The following GLP2R variants were observed in gnomAD, a reference collection of about 807,000 sequenced individuals.
The protein encoded by GLP2R is glucagon-like peptide 2 receptor.
A neutral mutation model predicts 68.2 loss-of-function variants in GLP2R; 59 were observed. The observed-to-expected ratio is 0.87, with a 90% CI of 0.70 to 1.07. The LOEUF is 1.07. Among genes scored for constraint, GLP2R ranks in the 50% least tolerant of loss-of-function variants. The pLI is 0.00. For synonymous variants in GLP2R, 270 were observed against 265.4 expected (o/e 1.02, Z -0.17); for missense variants, 548 against 677.4 (o/e 0.81, Z 2.12).
At chr17:9,849,762 G>A (rs750470569) in intron 4 of GLP2R, among the ~76,000 whole-genome samples, 27 of 151,656 alleles carry the variant, frequency 1.8e-4, no homozygotes, top group Non-Finnish European at 3.1e-4. Flanking sequence ...ACAGGCGCCC[G>A]CCACCACGCT....
At position 9,836,471 on chromosome 17, in the gene GLP2R, T is replaced by C. The variant is rs2066732533; in HGVS notation, c.378T>C (p.Ser126=). The change falls in exon 3 of 13, where the codon AGT becomes AGC. Residue 126 remains serine (S), a synonymous_variant. Coordinates refer to ENST00000262441, the MANE Select transcript of GLP2R (RefSeq NM_004246.3). ...GCCCTTCATACTTACCTTGGTGGAG[T>C]GAAGGTAATAAGTCTTATTTTTACC... ...VPCPSYLPWW[S]EESSGRAYRH... is the part of the protein sequence containing the mutation. 1 of 1,579,580 alleles carries C rather than the reference T, an allele frequency of 6.3e-7. No homozygotes were observed. Among genetic ancestry groups the C allele is most frequent in the Non-Finnish European group, 8.7e-7 (1 of 1,148,442 alleles).
At chr17:9,836,308 C>T (rs2066730514) in intron 2 of GLP2R, 63 bp from the exon 3 acceptor site, 1 of 1,113,644 alleles carries the variant, frequency 9.0e-7, no homozygotes, top group African/African-American at 1.5e-5. Context: ...GTGCCTCTGC[C>T]TCCATCAGTG....
In GLP2R at chr17:9,870,876, T is replaced by C. The variant is rs1567733532; in HGVS notation, c.1145+41T>C. The stretch of plus-strand genomic sequence containing the variant: ...TTGGTCCCCAGCAGTCCAAGGTTAT[T>C]GTAAGTACTCTGGCTGTTCTGCCCG... On this transcript the variant is annotated intron_variant, in intron 10 of 12. Transcript: ENST00000262441. The C allele has an allele frequency of 3.3e-6, 3 of 908,986 alleles. No individual in the cohort carries two copies. In the South Asian group the frequency reaches 4.0e-5, roughly 12 times the overall value. 56.3% of individuals were successfully genotyped at this position (908,986 alleles called of 1,614,324 possible). A position where few individuals can be genotyped will look rare whatever the true frequency, so the allele number is the denominator to read the frequency against.
intron 2 of GLP2R, among the ~76,000 whole-genome samples, chr17:9,835,109 A>T (rs1295547086): frequency 1.4e-5 from 2 of 143,428 alleles, no homozygotes; most frequent in Admixed American, 7.3e-5. Context: ...GCTCACTACA[A>T]CCTCCAACTC....
rs1567742802 is a variant in GLP2R at position 9,889,679 on chromosome 17, G to A, written c.1636G>A (p.Glu546Lys). ...TGTCACCATGGCCAACACCATGGAG[G>A]AGATTCTGGAAGAGAGTGAGATCTA... ...GDVTMANTME[E>K]ILEESEI Residue 546 changes from glutamate to lysine, a missense_variant, in exon 13 of 13, where the codon GAG (glutamate) becomes AAG (lysine). Glu to Lys is a moderately conservative substitution (Grantham distance 56, BLOSUM62 1). Transcript: ENST00000262441. The A allele has an allele frequency of 2.5e-6, 4 of 1,586,146 alleles. No homozygotes were observed. The highest frequency in any genetic ancestry group is 2.3e-5 in the East Asian group (1 of 43,704).
At chr17:9,864,370 C>G (rs1011186731) in intron 9 of GLP2R, among the ~76,000 whole-genome samples, 1 of 152,178 alleles carries the variant, frequency 6.6e-6, no homozygotes, top group Non-Finnish European at 1.5e-5. Context: ...TCTTTGTCTA[C>G]TCCTGGAGTT....
rs751327342 is a variant in GLP2R, at chr17:9,882,379, G to T, written c.1284+1863G>T. Among the ~76,000 whole-genome samples the T allele has an allele frequency of 3.3e-5, 5 of 152,338 alleles. No individual in the cohort carries two copies. The South Asian group carries it at 8.3e-4, about 25-fold the overall frequency. Reference sequence around the variant, plus strand: ...TGATGGGCTAGCCAGAAATTTTACGGGAAGATTTGGGGAATGAGACAGCCA... The same window carrying T: ...TGATGGGCTAGCCAGAAATTTTACGTGAAGATTTGGGGAATGAGACAGCCA... On this transcript the variant is annotated intron_variant, in intron 11 of 12. Transcript: ENST00000262441.
intron 10 of GLP2R, 88 bp downstream of exon 10, chr17:9,870,923 T>A: frequency 1.3e-6 from 1 of 741,510 alleles, no homozygotes; most frequent in Admixed American, 1.9e-5. Context: ...AGGACATTTA[T>A]CTCCTAAGGC....
At position 9,836,823 on chromosome 17, in the gene GLP2R, GTTA is replaced by G. The variant is rs58592727; in HGVS notation, c.382+370_382+372del. Among the ~76,000 whole-genome samples the G allele has an allele frequency of 7.6e-4, 114 of 150,354 alleles. 1 individual carries two copies. In the East Asian group the frequency reaches 7.8e-3, roughly 10 times the overall value. ...TAGTTATTTCAAAATGGACGATCAAGTTATTATTATTATTATTATTATTACTAT... is the reference window on the plus strand; with the variant it reads ...TAGTTATTTCAAAATGGACGATCAAGTTATTATTATTATTATTATTACTAT... On this transcript the variant is annotated intron_variant, in intron 3 of 12. Transcript: ENST00000262441.
rs2066990560 is a variant in GLP2R at position 9,861,880 on chromosome 17, C to T, written c.987-141C>T. 4 of 684,222 alleles carry T rather than the reference C, an allele frequency of 5.8e-6. No individual in the cohort carries two copies. The Middle Eastern group carries it at 7.5e-4, about 128-fold the overall frequency. 42.4% of individuals were successfully genotyped at this position (684,222 alleles called of 1,614,324 possible). ...AAGGGATTTGGGTTCTCTCTTCTGC[C>T]TCTCCCACCCCTCAGGGGACTGATT... is the stretch of plus-strand genomic sequence containing the variant. On this transcript the variant is annotated intron_variant, in intron 8 of 12. Transcript: ENST00000262441.
At chr17:9,834,388 T>C (rs558246454) in intron 2 of GLP2R, 26 of 165,954 alleles carry the variant, frequency 1.6e-4, no homozygotes, top group Admixed American at 6.1e-4. Flanking sequence ...TGCTGTAGAT[T>C]AGCCTGGGAA....
intron 11 of GLP2R, among the ~76,000 whole-genome samples, chr17:9,881,189 A>C (rs76895773): frequency 0.047 from 7,098 of 152,240 alleles, 585 homozygotes; most frequent in African/African-American, 0.16. Flanking sequence ...TTCTTCACTC[A>C]CATGACTGGT....
intron 12 of GLP2R, among the ~76,000 whole-genome samples, chr17:9,888,598 C>G (rs1029874777): frequency 3.2e-4 from 48 of 152,282 alleles, no homozygotes; most frequent in African/African-American, 1.2e-3. Flanking sequence ...TCCTGAGTAG[C>G]TGGGATTACA....
chr17:9,861,146 T>A lies in GLP2R; in HGVS notation c.933T>A (p.Pro311=). 1 of 1,613,626 alleles carries A rather than the reference T, an allele frequency of 6.2e-7. No homozygotes were observed. Among genetic ancestry groups the A allele is most frequent in the Non-Finnish European group, 8.5e-7 (1 of 1,179,626 alleles). ...PRYLLLGWAF[P]VLFVVPWGFA... The stretch of plus-strand genomic sequence containing the variant: ...CCTGTGTTTTCTCCCCAGCCTTCCC[T>A]GTGCTATTTGTTGTACCCTGGGGTT... Residue 311 remains proline, a synonymous_variant, in exon 8 of 13, where the codon CCT becomes CCA. Transcript: ENST00000262441.
chr17:9,844,668 C>CTTTTT lies in GLP2R; in HGVS notation c.504+2086_504+2090dup, dbSNP rs71139004. Among the ~76,000 whole-genome samples the CTTTTT allele has an allele frequency of 2.5e-3, 112 of 44,316 alleles. 37 individuals carry two copies. Among genetic ancestry groups the CTTTTT allele is most frequent in the Non-Finnish European group, 3.5e-3 (74 of 21,402 alleles). The allele number at this position is 44,316 out of a possible 152,430, so 29.1% of individuals were successfully genotyped here. A position where few individuals can be genotyped will look rare whatever the true frequency, so the allele number is the denominator to read the frequency against. Reference sequence around the variant, plus strand: ...ATTCTCAATATTTTACTACCTAATTCTTTTTTTTTTTTTTTTTTTTTTTTT... The same window carrying CTTTTT: ...ATTCTCAATATTTTACTACCTAATTCTTTTTTTTTTTTTTTTTTTTTTTTTTTTTT... On this transcript the variant is annotated intron_variant, in intron 4 of 12. Coordinates refer to ENST00000262441, the MANE Select transcript of GLP2R (RefSeq NM_004246.3).
intron 10 of GLP2R, among the ~76,000 whole-genome samples, chr17:9,871,154 G>C (rs1332550508): frequency 6.6e-6 from 1 of 152,118 alleles, no homozygotes; most frequent in Non-Finnish European, 1.5e-5. Context: ...GATTACTTGA[G>C]GCCATGAGTT....
chr17:9,868,368 C>T (rs906253482), intron 9 of GLP2R, among the ~76,000 whole-genome samples: 2 of 152,170 alleles, frequency 1.3e-5, no homozygotes, highest in African/African-American at 4.8e-5. Context: ...CGGCAATCAC[C>T]TCTGCCAACT....
chr17:9,849,001 G>A (rs950284984), intron 4 of GLP2R, among the ~76,000 whole-genome samples: 20 of 145,770 alleles, frequency 1.4e-4, no homozygotes, highest in African/African-American at 3.4e-4. Context: ...TAAAAAGTGC[G>A]TCTATTCTTA....
intron 1 of GLP2R, among the ~76,000 whole-genome samples, chr17:9,832,666 G>A (rs142848573): frequency 2.6e-4 from 40 of 152,254 alleles, no homozygotes; most frequent in African/African-American, 9.6e-4. Flanking sequence ...AGGAGGCAGG[G>A]GTTGCAGTGA....
Sources: allele counts gnomAD v4.1 joint callset (sites outside exome capture counted in the v4.1 genomes callset), GRCh38; gene constraint gnomAD v4.1.1; transcripts MANE v1.5; gene names NCBI Gene and HGNC (gene_info 2026-07-23, HGNC 2026-07-21).